The following AP3B2 variants were observed in gnomAD, a reference collection of about 807,000 sequenced individuals.
The protein encoded by AP3B2 is AP-3 complex subunit beta-2.
AP3B2 carries 50 observed loss-of-function variants against 126.9 expected under a neutral mutation model. That is an observed-to-expected ratio of 0.39 (90% CI 0.31 to 0.50). The LOEUF is 0.50. Ranked by LOEUF, AP3B2 falls within the 20% of genes least tolerant of loss-of-function variation. AP3B2 has a pLI of 0.79. For synonymous variants in AP3B2, 541 were observed against 565.0 expected, an observed-to-expected ratio of 0.96 and a Z score of 0.60; for missense variants, 1,177 against 1,426.4, an observed-to-expected ratio of 0.83 and a Z score of 2.82.
At chr15:82,672,115 A>T (rs755129080) in intron 14 of AP3B2, among the ~76,000 whole-genome samples, 5 of 152,172 alleles carry the variant, frequency 3.3e-5, no homozygotes, top group Non-Finnish European at 7.3e-5. Context: ...TATATACCCA[A>T]AAGTAAGGAA....
chr15:82,703,092 G>A (rs117727783), intron 1 of AP3B2, among the ~76,000 whole-genome samples: 2,708 of 152,108 alleles, frequency 0.018, 30 homozygotes, highest in Non-Finnish European at 0.026. Context: ...CCAAAACTCC[G>A]GCGCCGATCA....
rs751285196 is a variant in AP3B2, at chr15:82,676,502, T to C, written c.1624A>G (p.Ile542Val). ...AEEDIVKLQVINLAAKLYLTN... is the reference protein window; with the variant it reads ...AEEDIVKLQVVNLAAKLYLTN... ...AGGTAGAGCTTGGCTGCCAGGTTGATGACCTGCAGCTTGACAATATCCTCC... is the reference window on the plus strand; with the variant it reads ...AGGTAGAGCTTGGCTGCCAGGTTGACGACCTGCAGCTTGACAATATCCTCC... Residue 542 changes from isoleucine (I) to valine (V), a missense_variant, in exon 14 of 27, where the codon ATC becomes GTC. Transcript: ENST00000535359. 6.2e-7 allele frequency: 1 copy of C among 1,614,032 alleles called. No homozygotes were observed. Among genetic ancestry groups the C allele is most frequent in the Admixed American group, 1.7e-5 (1 of 60,038 alleles).
intron 1 of AP3B2, chr15:82,691,896 A>T: frequency 7.8e-7 from 1 of 1,278,512 alleles, no homozygotes; most frequent in Non-Finnish European, 1.1e-6. Flanking sequence ...GTGTCATCCA[A>T]TTTATGCAGG....
intron 1 of AP3B2, among the ~76,000 whole-genome samples, chr15:82,696,843 A>G (rs1429798715): frequency 6.6e-6 from 1 of 152,142 alleles, no homozygotes; most frequent in Non-Finnish European, 1.5e-5. Context: ...TAAACCCATG[A>G]AAAAAATGTG....
chr15:82,680,699 C>A lies in AP3B2; in HGVS notation c.828G>T (p.Glu276Asp). 1 of 1,568,006 alleles carries A rather than the reference C, an allele frequency of 6.4e-7. No individual in the cohort carries two copies. The stretch of plus-strand genomic sequence containing the variant: ...TCTCCTCAGACCCCGCGCCCTTGGC[C>A]TCGTCCTCCTCTGAGCCGTAGAAGG... The part of the protein sequence containing the change: ...EKAFYGSEED[E>D]AKGAGSEETA... The change falls in exon 8 of 27, where the codon GAG (glutamate) becomes GAT (aspartate). Residue 276 changes from glutamate (E) to aspartate (D), a missense_variant. Transcript: ENST00000535359. The surrounding 1 kb of genome is among the most constrained non-coding windows in gnomAD (Gnocchi z 6.1).
At chr15:82,666,681 G>C (rs1243230112) in intron 15 of AP3B2, 66 bp downstream of exon 15, 3 of 1,535,516 alleles carry the variant, frequency 2.0e-6, no homozygotes, top group Non-Finnish European at 2.6e-6. Flanking sequence ...GGAAGGTCTG[G>C]GGCAGAGACT....
rs372222209 is a variant in AP3B2 at position 82,680,201 on chromosome 15, C to T, written c.1084G>A (p.Val362Met). 1 of 1,613,582 alleles carries T rather than the reference C, an allele frequency of 6.2e-7. No homozygotes were observed. The highest frequency in any genetic ancestry group is 2.2e-5 in the East Asian group (1 of 44,862). The change falls in exon 9 of 27, where the codon GTG (valine) becomes ATG (methionine). Residue 362 changes from valine to methionine, a missense_variant. Around this residue, in one of 5 missense-constraint regions of AP3B2, gnomAD observed 308 missense variants for 452.4 expected, o/e 0.68. Transcript: ENST00000535359. The surrounding 1 kb of genome is among the most constrained non-coding windows in gnomAD (Gnocchi z 6.1). ...SEVQYVVLQN[V>M]ATMSIKRRGM... ...CGGCGCTTGATGGACATGGTGGCCA[C>T]GTTCTGGAGCACAACGTACTGCACC...
intron 1 of AP3B2, among the ~76,000 whole-genome samples, chr15:82,707,763 C>T (rs1280678662): frequency 6.6e-6 from 1 of 152,152 alleles, no homozygotes; most frequent in Non-Finnish European, 1.5e-5. Flanking sequence ...CATACAAAAC[C>T]GTATCCAGGC....
At chr15:82,688,300 G>A in intron 4 of AP3B2, 1 of 635,996 alleles carries the variant, frequency 1.6e-6, no homozygotes, top group South Asian at 1.8e-5. Context: ...TAGAGGCCTT[G>A]GGCAAAATGA....
At position 82,664,323 on chromosome 15, in the gene AP3B2, A is replaced by T; in HGVS notation, c.2261+44T>A. On this transcript the variant is annotated intron_variant, in intron 19 of 26. Coordinates refer to ENST00000535359, the MANE Select transcript of AP3B2 (RefSeq NM_001278512.2). The surrounding 1 kb of genome is among the most constrained non-coding windows in gnomAD (Gnocchi z 4.5). ...TCAATGCTAGCCCTCTTTCCAGGAAAGCCCCCTGAACCCCACCAGCCATCT... is the reference window on the plus strand; with the variant it reads ...TCAATGCTAGCCCTCTTTCCAGGAATGCCCCCTGAACCCCACCAGCCATCT... The T allele has an allele frequency of 6.2e-7, 1 of 1,612,588 alleles. No homozygotes were observed. The highest frequency in any genetic ancestry group is 8.5e-7 in the Non-Finnish European group (1 of 1,179,676).
At chr15:82,675,392 C>T (rs1170293487) in intron 14 of AP3B2, among the ~76,000 whole-genome samples, 2 of 152,192 alleles carry the variant, frequency 1.3e-5, no homozygotes, top group East Asian at 3.9e-4. Flanking sequence ...CACCTTGAGC[C>T]TCTGGGGCTC....
chr15:82,672,896 C>A lies in AP3B2; in HGVS notation c.1665+3565G>T, dbSNP rs372096208. ...GACGGCCTCTAGAAGGCAAGGGCAG[C>A]CCCCAGCTGACAGCCAGCAAGAAGC... On this transcript the variant is annotated intron_variant, in intron 14 of 26. Coordinates refer to ENST00000535359, the MANE Select transcript of AP3B2 (RefSeq NM_001278512.2). Among the ~76,000 whole-genome samples, 206 of 152,314 alleles carry A rather than the reference C, an allele frequency of 1.4e-3. 1 individual carries two copies. The highest frequency in any genetic ancestry group is 4.7e-3 in the African/African-American group (197 of 41,554).
At position 82,663,142 on chromosome 15, in the gene AP3B2, G is replaced by T; in HGVS notation, c.2589C>A (p.Ser863=). ...ADLEGLTLTD[S]TLVPSLLSPV... is the part of the protein sequence containing the mutation. ...TCCCACTCACCGACGGTACCAGGGT[G>T]GAGTCTGTGAGTGTCAGGCCCTCCA... Residue 863 remains serine (S), a synonymous_variant, in exon 22 of 27, where the codon TCC becomes TCA. Coordinates refer to ENST00000535359, the MANE Select transcript of AP3B2 (RefSeq NM_001278512.2). The T allele has an allele frequency of 6.2e-7, 1 of 1,611,302 alleles. No individual in the cohort carries two copies. The highest frequency in any genetic ancestry group is 8.5e-7 in the Non-Finnish European group (1 of 1,179,260).
intron 1 of AP3B2, among the ~76,000 whole-genome samples, chr15:82,702,587 C>G (rs1377076164): frequency 6.6e-6 from 1 of 151,966 alleles, no homozygotes; most frequent in African/African-American, 2.4e-5. Flanking sequence ...CCCGCCCCTG[C>G]CCACCAAGGA....
Position 82,662,794 on chromosome 15 carries a change from G to A in AP3B2, c.2733C>T (p.His911=). Residue 911 remains histidine, a synonymous_variant, in exon 23 of 27, where the codon CAC becomes CAT. Coordinates refer to ENST00000535359, the MANE Select transcript of AP3B2 (RefSeq NM_001278512.2). The part of the protein sequence containing the change: ...FSGDPHMVSV[H]IHFSNSSDTP... ...TATCAGAGCTGTTGGAGAAGTGGAT[G>A]TGCACGGACACCATGTGGGGATCCC... The A allele has an allele frequency of 2.5e-6, 4 of 1,613,864 alleles. No homozygotes were observed. Among genetic ancestry groups the A allele is most frequent in the Non-Finnish European group, 8.5e-7 (1 of 1,179,820 alleles).
intron 12 of AP3B2, 61 bp from the exon 13 acceptor site, chr15:82,677,444 C>T: frequency 6.7e-7 from 1 of 1,484,842 alleles, no homozygotes; most frequent in Non-Finnish European, 9.3e-7. Flanking sequence ...CTCAGGTGGA[C>T]AGACACACCT....
In AP3B2 at chr15:82,666,760, C is replaced by T; in HGVS notation, c.1839G>A (p.Glu613=). The T allele has an allele frequency of 6.2e-7, 1 of 1,613,858 alleles. No individual in the cohort carries two copies. Among genetic ancestry groups the T allele is most frequent in the Non-Finnish European group, 8.5e-7 (1 of 1,179,800 alleles). ...FLAPKPAPVL[E]SSFKDRDHFQ... is the part of the protein sequence containing the mutation. ...TTCAGCTCCCACCTTTGAAGGATGACTCCAAGACTGGAGCTGGTTTGGGTG... is the reference window on the plus strand; with the variant it reads ...TTCAGCTCCCACCTTTGAAGGATGATTCCAAGACTGGAGCTGGTTTGGGTG... Residue 613 remains glutamate, a synonymous_variant, in exon 15 of 27, where the codon GAG becomes GAA. Coordinates refer to ENST00000535359, the MANE Select transcript of AP3B2 (RefSeq NM_001278512.2).
intron 1 of AP3B2, among the ~76,000 whole-genome samples, chr15:82,690,974 C>T (rs1277822197): frequency 1.1e-5 from 1 of 93,374 alleles, no homozygotes; most frequent in Non-Finnish European, 2.6e-5. Context: ...GCCACCGCAC[C>T]CAGCCATGCC....
intron 1 of AP3B2, among the ~76,000 whole-genome samples, chr15:82,706,445 C>T (rs190286249): frequency 2.0e-5 from 3 of 152,168 alleles, no homozygotes; most frequent in Non-Finnish European, 4.4e-5. Flanking sequence ...AAACTCTTCT[C>T]AAGGCCGCTT....
Sources: allele counts gnomAD v4.1 joint callset (sites outside exome capture counted in the v4.1 genomes callset), GRCh38; gene constraint gnomAD v4.1.1; regional missense constraint gnomAD v4.1.1; non-coding constraint Gnocchi (gnomAD v3.1); transcripts MANE v1.5; gene names NCBI Gene and HGNC (gene_info 2026-07-23, HGNC 2026-07-21).